The following KIAA1549L variants were observed in gnomAD, a reference collection of about 807,000 sequenced individuals.
The protein encoded by KIAA1549L is KIAA1549 like.
In KIAA1549L, 88 loss-of-function variants were observed where a neutral mutation model predicts 160.7. That is an observed-to-expected ratio of 0.55 (90% CI 0.46 to 0.65). The LOEUF (loss-of-function observed/expected upper bound fraction) is 0.65. Ranked by LOEUF, KIAA1549L falls within the 30% of genes least tolerant of loss-of-function variation. The pLI, the probability that KIAA1549L is intolerant of heterozygous loss-of-function variation, is 0.00. For missense variants in KIAA1549L, 2,258 were observed against 2,437.5 expected (o/e 0.93, Z 1.55); for synonymous variants, 950 against 976.7 (o/e 0.97, Z 0.51).
At chr11:33,638,248 T>A (rs1434813729) in intron 16 of KIAA1549L, among the ~76,000 whole-genome samples, 1 of 151,958 alleles carries the variant, frequency 6.6e-6, no homozygotes, top group Non-Finnish European at 1.5e-5. Flanking sequence ...CTCCCTCACT[T>A]TTTTTTTCAG....
intron 6 of KIAA1549L, 73 bp from the exon 7 acceptor site, chr11:33,559,676 C>A: frequency 7.5e-7 from 1 of 1,335,868 alleles, no homozygotes; most frequent in Non-Finnish European, 1.1e-6. Flanking sequence ...CCTCCCCCTC[C>A]CATGGCCTCC....
chr11:33,446,007 G>C (rs1002833884), intron 1 of KIAA1549L, among the ~76,000 whole-genome samples: 2 of 151,896 alleles, frequency 1.3e-5, no homozygotes, highest in African/African-American at 4.8e-5. Flanking sequence ...CTTTTTCATT[G>C]ATTCACTGTA....
chr11:33,513,469 C>A (rs1371654750), intron 1 of KIAA1549L, among the ~76,000 whole-genome samples: 1 of 152,214 alleles, frequency 6.6e-6, no homozygotes, highest in African/African-American at 2.4e-5. Context: ...GGTGGGAGAA[C>A]AACCATTCAG....
At chr11:33,571,385 G>A (rs899273392) in intron 9 of KIAA1549L, among the ~76,000 whole-genome samples, 1 of 152,158 alleles carries the variant, frequency 6.6e-6, no homozygotes, top group African/African-American at 2.4e-5. Context: ...AGTGTTTTCC[G>A]GAGAGTGTCT....
chr11:33,526,617 G>A (rs751978515), intron 1 of KIAA1549L, among the ~76,000 whole-genome samples: 11 of 152,218 alleles, frequency 7.2e-5, no homozygotes, highest in Non-Finnish European at 1.5e-4. Flanking sequence ...ATCCCTAGGG[G>A]AATGGGGAGA....
chr11:33,668,071 A>G lies in KIAA1549L; in HGVS notation c.6358A>G (p.Thr2120Ala), dbSNP rs1346002276. 1 of 1,613,600 alleles carries G rather than the reference A, an allele frequency of 6.2e-7. No homozygotes were observed. The highest frequency in any genetic ancestry group is 1.1e-5 in the South Asian group (1 of 91,060). Residue 2120 changes from threonine (T) to alanine (A), a missense_variant, in exon 21 of 21, where the codon ACT becomes GCT. Physicochemically the swap from Thr to Ala is moderately conservative, Grantham distance 58. Around this residue, in one of 6 missense-constraint regions of KIAA1549L, gnomAD observed 1,359 missense variants for 1,546.6 expected, o/e 0.88. Coordinates refer to ENST00000658780, the MANE Select transcript of KIAA1549L (RefSeq NM_012194.3). ...PSDAPLTNIS[T>A]AALVKAIREE... ...TGACGCTCCCCTGACCAACATCTCC[A>G]CTGCGGCCCTTGTGAAGGCCATCCG...
In KIAA1549L at chr11:33,376,254, G is replaced by A. The variant is rs1296497123; in HGVS notation, c.-398G>A. On this transcript the variant is annotated 5_prime_UTR_variant, in exon 1 of 21. Transcript: ENST00000658780. The surrounding 1 kb of genome is among the most constrained non-coding windows in gnomAD (Gnocchi z 5.8). ...CCGAGGCTGCAGCGGCGGCGGGAGG[G>A]AGGGACCCGAGCGCGCCCCGCGGCC... Among the ~76,000 whole-genome samples, 1 of 148,644 alleles carries A rather than the reference G, an allele frequency of 6.7e-6. No individual in the cohort carries two copies. The highest frequency in any genetic ancestry group is 2.1e-4 in the South Asian group (1 of 4,794).
chr11:33,529,271 G>A (rs564778856), intron 1 of KIAA1549L, among the ~76,000 whole-genome samples: 2 of 151,864 alleles, frequency 1.3e-5, no homozygotes, highest in African/African-American at 2.4e-5. Flanking sequence ...GGAGGTTGAG[G>A]CTGCAGTGAG....
intron 1 of KIAA1549L, among the ~76,000 whole-genome samples, chr11:33,449,598 G>A (rs1490472183): frequency 6.6e-6 from 1 of 152,116 alleles, no homozygotes; most frequent in Non-Finnish European, 1.5e-5. Context: ...CCTGTTTTGC[G>A]CTGGTACATG....
intron 12 of KIAA1549L, among the ~76,000 whole-genome samples, chr11:33,597,866 A>G (rs779528977): frequency 9.2e-5 from 14 of 152,192 alleles, no homozygotes; most frequent in African/African-American, 3.1e-4. Context: ...CCACTTTCCT[A>G]CTATGTCCTA....
In KIAA1549L at chr11:33,609,779, A is replaced by G. The variant is rs1377246444; in HGVS notation, c.5092A>G (p.Ile1698Val). ...CAAAGCCCTGAAGCAGAAGTCAGAC[A>G]TCGAGCACTATCGGAACAAGCTGCG... Reference protein sequence around the residue: ...VNKALKQKSDIEHYRNKLRLK... With the variant: ...VNKALKQKSDVEHYRNKLRLK... The change falls in exon 15 of 21, where the codon ATC (isoleucine) becomes GTC (valine). Residue 1698 changes from isoleucine to valine, a missense_variant. Physicochemically the swap from Ile to Val is conservative, Grantham distance 29. This residue lies in a region of KIAA1549L where 1,359 missense variants were observed against 1,546.6 expected (regional missense o/e 0.88). Coordinates refer to ENST00000658780, the MANE Select transcript of KIAA1549L (RefSeq NM_012194.3). 3 of 1,611,528 alleles carry G rather than the reference A, an allele frequency of 1.9e-6. No individual in the cohort carries two copies. The highest frequency in any genetic ancestry group is 1.1e-5 in the South Asian group (1 of 90,550).
chr11:33,570,900 G>T (rs140785690), intron 9 of KIAA1549L, among the ~76,000 whole-genome samples: 1 of 152,164 alleles, frequency 6.6e-6, no homozygotes, highest in Non-Finnish European at 1.5e-5. Flanking sequence ...AGTGTGGAGC[G>T]AAAAGGGCAC....
In KIAA1549L at chr11:33,667,956, C is replaced by T; in HGVS notation, c.6243C>T (p.Ser2081=). ...SSPSRLPRQY[S]QPANLHPSLE... The stretch of plus-strand genomic sequence containing the variant: ...CCTCCAGGCTTCCTCGTCAGTACAG[C>T]CAGCCAGCCAACCTGCACCCCAGCC... The change falls in exon 21 of 21, where the codon AGC becomes AGT. Residue 2081 remains serine (S), a synonymous_variant. Transcript: ENST00000658780. The T allele has an allele frequency of 6.2e-7, 1 of 1,613,860 alleles. No individual in the cohort carries two copies. The highest frequency in any genetic ancestry group is 1.1e-5 in the South Asian group (1 of 91,062).
At chr11:33,509,316 A>G (rs1853169996) in intron 1 of KIAA1549L, among the ~76,000 whole-genome samples, 2 of 152,220 alleles carry the variant, frequency 1.3e-5, no homozygotes, top group African/African-American at 4.8e-5. Context: ...TTTTACCTCT[A>G]GAGAGCCTTG....
chr11:33,430,884 C>T (rs1035425149), intron 1 of KIAA1549L, among the ~76,000 whole-genome samples: 7 of 152,170 alleles, frequency 4.6e-5, no homozygotes, highest in Admixed American at 6.5e-5. Context: ...GCACTGTGTC[C>T]GGAATTGGTG....
At chr11:33,413,825 C>T (rs1850832491) in intron 1 of KIAA1549L, among the ~76,000 whole-genome samples, 1 of 152,164 alleles carries the variant, frequency 6.6e-6, no homozygotes, top group Non-Finnish European at 1.5e-5. Context: ...AGGTCCAGTG[C>T]TGCATCCGTC....
chr11:33,622,951 G>A (rs1334909964), intron 16 of KIAA1549L, among the ~76,000 whole-genome samples: 1 of 152,236 alleles, frequency 6.6e-6, no homozygotes, highest in African/African-American at 2.4e-5. Flanking sequence ...CAGGTGAGCA[G>A]TGGTTACTGG....
At chr11:33,591,504 T>G in intron 12 of KIAA1549L, 83 bp downstream of exon 12, 1 of 1,085,024 alleles carries the variant, frequency 9.2e-7, no homozygotes, top group Non-Finnish European at 1.3e-6. Context: ...TCAAGTTAAT[T>G]CCACGGTTCT....
At chr11:33,667,369 A>C (rs1276848128) in intron 20 of KIAA1549L, among the ~76,000 whole-genome samples, 2 of 151,982 alleles carry the variant, frequency 1.3e-5, no homozygotes, top group Admixed American at 6.6e-5. Flanking sequence ...TCATCCAAAC[A>C]GTATATCTAG....
Sources: allele counts gnomAD v4.1 joint callset (sites outside exome capture counted in the v4.1 genomes callset), GRCh38; gene constraint gnomAD v4.1.1; regional missense constraint gnomAD v4.1.1; non-coding constraint Gnocchi (gnomAD v3.1); transcripts MANE v1.5; gene names NCBI Gene and HGNC (gene_info 2026-07-23, HGNC 2026-07-21).